The following ROCK2 variants were observed in gnomAD, a reference collection of about 807,000 sequenced individuals.
ROCK2 encodes rho-associated protein kinase 2.
In ROCK2, 61 loss-of-function variants were observed where a neutral mutation model predicts 195.1. The observed-to-expected ratio is 0.31, with a 90% CI of 0.25 to 0.39. The LOEUF is 0.39. Among genes scored for constraint, ROCK2 ranks in the 10% least tolerant of loss-of-function variants. The pLI is 1.00. For synonymous variants in ROCK2, 504 were observed against 545.5 expected (o/e 0.92, Z 1.06); for missense variants, 1,109 against 1,637.4 (o/e 0.68, Z 5.57).
intron 3 of ROCK2, among the ~76,000 whole-genome samples, chr2:11,273,548 A>C (rs1666722422): frequency 6.6e-6 from 1 of 152,216 alleles, no homozygotes; most frequent in African/African-American, 2.4e-5. Context: ...CTATAATAAT[A>C]GTTGGAGACT....
chr2:11,192,855 T>G lies in ROCK2; in HGVS notation c.3688-143A>C. 3 of 954,622 alleles carry G rather than the reference T, an allele frequency of 3.1e-6. No homozygotes were observed. The highest frequency in any genetic ancestry group is 4.5e-6 in the Non-Finnish European group (3 of 663,600). 59.1% of individuals were successfully genotyped at this position (954,622 alleles called of 1,614,324 possible). Reference sequence around the variant, plus strand: ...GTATCTGAAGTACAAACTTAAGCTCTTGATTACGCAAACTTAATCAAGAGC... The same window carrying G: ...GTATCTGAAGTACAAACTTAAGCTCGTGATTACGCAAACTTAATCAAGAGC... On this transcript the variant is annotated intron_variant, in intron 30 of 32. Transcript: ENST00000315872. The surrounding 1 kb of genome is among the most constrained non-coding windows in gnomAD (Gnocchi z 5.0).
intron 6 of ROCK2, among the ~76,000 whole-genome samples, chr2:11,226,757 G>C (rs1013567719): frequency 6.6e-6 from 1 of 151,342 alleles, no homozygotes; most frequent in Non-Finnish European, 1.5e-5. Flanking sequence ...CAAAAAATGA[G>C]AAAAATCAGC....
At chr2:11,267,640 C>CA (rs1405376197) in intron 3 of ROCK2, among the ~76,000 whole-genome samples, 1 of 151,858 alleles carries the variant, frequency 6.6e-6, no homozygotes, top group East Asian at 1.9e-4. Context: ...CTCTCAACCT[C>CA]AGACGGCATT....
Position 11,222,209 on chromosome 2 carries a change from A to C in ROCK2, c.1008-35T>G, listed in dbSNP as rs756140800. On this transcript the variant is annotated intron_variant, in intron 7 of 32. Transcript: ENST00000315872. ...GCAGTTAAAGATTGTATTATTTAAAAATTATAAAATAAAAAGATTAACTCT... is the reference window on the plus strand; with the variant it reads ...GCAGTTAAAGATTGTATTATTTAAACATTATAAAATAAAAAGATTAACTCT... 4 of 1,228,024 alleles carry C rather than the reference A, an allele frequency of 3.3e-6. No individual in the cohort carries two copies. The Admixed American group carries it at 5.6e-5, about 17-fold the overall frequency. 76.1% of individuals were successfully genotyped at this position (1,228,024 alleles called of 1,614,324 possible).
intron 1 of ROCK2, chr2:11,308,127 T>C: frequency 6.2e-7 from 1 of 1,611,268 alleles, no homozygotes; most frequent in Non-Finnish European, 8.5e-7. Flanking sequence ...GATAGACAAG[T>C]ATCAGATATT....
chr2:11,273,775 T>C (rs939719429), intron 3 of ROCK2, among the ~76,000 whole-genome samples: 2 of 151,892 alleles, frequency 1.3e-5, no homozygotes, highest in African/African-American at 4.8e-5. Context: ...ACATACAAAG[T>C]ATATTTTCCA....
chr2:11,305,444 T>TACACACACACACAC (rs59533265), intron 1 of ROCK2, among the ~76,000 whole-genome samples: 8 of 150,364 alleles, frequency 5.3e-5, no homozygotes, highest in South Asian at 2.1e-4. Context: ...TGTGTGGGTG[T>TACACACACACACAC]ACACACACAC....
rs2148015876 is a variant in ROCK2, at chr2:11,183,381, G to C, written c.*56C>G. On this transcript the variant is annotated 3_prime_UTR_variant, in exon 33 of 33. Coordinates refer to ENST00000315872, the MANE Select transcript of ROCK2 (RefSeq NM_004850.5). ...TTTTGGGCCATCATATTTCAGTCTT[G>C]TTTTCACTGGAAGAATACGATCACC... The C allele has an allele frequency of 6.6e-7, 1 of 1,513,864 alleles. No individual in the cohort carries two copies. Among genetic ancestry groups the C allele is most frequent in the Non-Finnish European group, 9.0e-7 (1 of 1,111,186 alleles). The allele number at this position is 1,513,864 out of a possible 1,614,324, so 93.8% of individuals were successfully genotyped here.
chr2:11,330,557 A>G (rs1231942736), intron 1 of ROCK2, among the ~76,000 whole-genome samples: 1 of 152,100 alleles, frequency 6.6e-6, no homozygotes, highest in African/African-American at 2.4e-5. Context: ...GTGCTAATAC[A>G]CTTTCTTTTC....
chr2:11,250,062 TG>T (rs1457877272), intron 3 of ROCK2, among the ~76,000 whole-genome samples: 1 of 152,166 alleles, frequency 6.6e-6, no homozygotes, highest in Non-Finnish European at 1.5e-5. Context: ...GGTAAATTCG[TG>T]AAGCTTCATT....
intron 1 of ROCK2, among the ~76,000 whole-genome samples, chr2:11,317,132 C>T (rs1394445462): frequency 2.6e-5 from 4 of 151,902 alleles, no homozygotes; most frequent in Admixed American, 2.6e-4. Context: ...ACTTTTCCTG[C>T]GAATGAGGCC....
At chr2:11,230,106 C>T (rs1664951106) in intron 5 of ROCK2, among the ~76,000 whole-genome samples, 1 of 151,990 alleles carries the variant, frequency 6.6e-6, no homozygotes, top group South Asian at 2.1e-4. Context: ...ATATATACCC[C>T]CTAACTCTGT....
intron 9 of ROCK2, among the ~76,000 whole-genome samples, chr2:11,219,406 G>A (rs889455164): frequency 1.3e-5 from 2 of 151,210 alleles, no homozygotes; most frequent in African/African-American, 4.9e-5. Context: ...AGCTACTCGG[G>A]AGGCTGAGGC....
intron 1 of ROCK2, among the ~76,000 whole-genome samples, chr2:11,300,193 T>G (rs1667660992): frequency 6.6e-6 from 1 of 152,232 alleles, no homozygotes; most frequent in Non-Finnish European, 1.5e-5. Context: ...CCTTCATTTC[T>G]GGCAATAACA....
In ROCK2 at chr2:11,227,401, G is replaced by T. The variant is rs1432857286; in HGVS notation, c.724-3C>A. 2 of 1,608,810 alleles carry T rather than the reference G, an allele frequency of 1.2e-6. No homozygotes were observed. On this transcript the variant is annotated splice_polypyrimidine_tract_variant and splice_region_variant and intron_variant, in intron 5 of 32. Coordinates refer to ENST00000315872, the MANE Select transcript of ROCK2 (RefSeq NM_004850.5). ...GTATCACAATGTACCATGCCTGTCTGCATGAACAGGAGAGATAAAGAAAAA... is the reference window on the plus strand; with the variant it reads ...GTATCACAATGTACCATGCCTGTCTTCATGAACAGGAGAGATAAAGAAAAA...
chr2:11,340,437 C>T (rs1450413617), intron 1 of ROCK2, among the ~76,000 whole-genome samples: 2 of 152,064 alleles, frequency 1.3e-5, no homozygotes, highest in Non-Finnish European at 2.9e-5. Flanking sequence ...AAGTTCCACA[C>T]ATCACCTTTT....
At chr2:11,232,581 C>T (rs1428942015) in intron 5 of ROCK2, among the ~76,000 whole-genome samples, 2 of 152,228 alleles carry the variant, frequency 1.3e-5, no homozygotes, top group East Asian at 1.9e-4. Flanking sequence ...TAATAAAAAA[C>T]TCTTTTGTTC....
chr2:11,265,609 A>G (rs1288374440), intron 3 of ROCK2, among the ~76,000 whole-genome samples: 1 of 152,222 alleles, frequency 6.6e-6, no homozygotes, highest in Non-Finnish European at 1.5e-5. Context: ...TATGTTTGAA[A>G]ATGGTAATAG....
intron 3 of ROCK2, 60 bp downstream of exon 3, chr2:11,286,478 TG>T: frequency 9.2e-7 from 1 of 1,082,448 alleles, no homozygotes; most frequent in Non-Finnish European, 1.4e-6. Flanking sequence ...CAGCTGCTAT[TG>T]ATAATGCTTC....
Sources: gnomAD v4.1 joint callset for allele counts (sites outside exome capture counted in the v4.1 genomes callset) on GRCh38, gnomAD v4.1.1 for gene constraint, Gnocchi (gnomAD v3.1) non-coding constraint, MANE v1.5 for transcripts, NCBI Gene and HGNC (gene_info 2026-07-23, HGNC 2026-07-21) for gene names.